Variants in GCSAML observed in about 807,000 individuals in gnomAD.
The protein encoded by GCSAML is germinal center associated signaling and motility like, also known as germinal center-associated signaling and motility-like protein.
In GCSAML, 9 loss-of-function variants were observed where a neutral mutation model predicts 13.0. The ratio of observed to expected loss-of-function variants is 0.69; its 90% CI spans 0.42 to 1.21. GCSAML has a LOEUF of 1.21. GCSAML is among the 50% of genes most tolerant of loss of function. The probability of loss-of-function intolerance (pLI) is 0.00; values close to 1 mark genes in which losing one functional copy is unlikely to be tolerated. For synonymous variants in GCSAML, 37 were observed against 52.9 expected (o/e 0.70, Z 1.31); for missense variants, 143 against 153.4 (o/e 0.93, Z 0.36).
intron 3 of GCSAML, 56 bp from the exon 4 acceptor site, chr1:247,565,875 C>A: frequency 7.2e-7 from 1 of 1,395,434 alleles, no homozygotes; most frequent in Non-Finnish European, 9.8e-7. Flanking sequence ...TGTGATGGGG[C>A]AAAAGTCTCA....
intron 1 of GCSAML, among the ~76,000 whole-genome samples, chr1:247,508,745 C>T (rs1665914654): frequency 1.3e-5 from 2 of 152,148 alleles, no homozygotes; most frequent in African/African-American, 4.8e-5. Flanking sequence ...CCAGTTTTCC[C>T]AGCACCATTT....
Position 247,556,466 on chromosome 1 carries a change from G to T in GCSAML, c.89G>T (p.Arg30Leu). 1.2e-6 allele frequency: 2 copies of T among 1,605,446 alleles called. No individual in the cohort carries two copies. Among genetic ancestry groups the T allele is most frequent in the South Asian group, 2.2e-5 (2 of 90,564 alleles). The change falls in exon 2 of 5, where the codon CGG (arginine) becomes CTG (leucine). Residue 30 changes from arginine to leucine, a missense_variant and splice_region_variant. Arg to Leu is a moderately radical substitution (Grantham distance 102, BLOSUM62 -2). Coordinates refer to ENST00000366488, the MANE Select transcript of GCSAML (RefSeq NM_145278.5). ...GGAAACCCAGATGAGGAAAGAAAAC[G>T]GTAAGAACAGAGCATCTCAGAGTTT... Reference protein sequence around the residue: ...KKGNPDEERKRQEMTTFERKL... With the variant: ...KKGNPDEERKLQEMTTFERKL...
intron 1 of GCSAML, among the ~76,000 whole-genome samples, chr1:247,508,836 T>C (rs1665917447): frequency 6.6e-6 from 1 of 151,952 alleles, no homozygotes; most frequent in South Asian, 2.1e-4. Flanking sequence ...ATGGTCTTAT[T>C]TCTGATTCTG....
chr1:247,570,169 A>G lies in GCSAML; in HGVS notation c.169-3974A>G, dbSNP rs1312677675. ...TTCAAAAAAACCAGCTCCTGGATTT[A>G]TTGATTTTTTGAAGGGTTTTTCATG... On this transcript the variant is annotated intron_variant, in intron 4 of 4. Transcript: ENST00000366488. 3.3e-5 allele frequency among the ~76,000 whole-genome samples: 5 copies of G among 152,060 alleles called. No individual in the cohort carries two copies. The South Asian group carries it at 1.0e-3, about 32-fold the overall frequency.
chr1:247,554,599 T>G (rs1187149801), intron 1 of GCSAML, among the ~76,000 whole-genome samples: 1 of 152,186 alleles, frequency 6.6e-6, no homozygotes, highest in Non-Finnish European at 1.5e-5. Flanking sequence ...CTTCAAATAG[T>G]CTTGTGTAGC....
intron 2 of GCSAML, among the ~76,000 whole-genome samples, chr1:247,537,045 T>G (rs1667243499): frequency 1.3e-5 from 2 of 152,228 alleles, no homozygotes; most frequent in Admixed American, 1.3e-4. Context: ...TTCACAAGAC[T>G]GTACCATCAC....
Position 247,574,307 on chromosome 1 carries a change from C to G in GCSAML, c.333C>G (p.Ala111=), listed in dbSNP as rs769997653. 6.2e-7 allele frequency: 1 copy of G among 1,613,830 alleles called. No homozygotes were observed. Among genetic ancestry groups the G allele is most frequent in the Non-Finnish European group, 8.5e-7 (1 of 1,179,814 alleles). The part of the protein sequence containing the change: ...QFRERSETEY[A]LLRTSVSRPC... ...GAGAAAGGTCAGAGACAGAATATGC[C>G]CTTCTTAGGACTTCTGTTAGTAGGC... The change falls in exon 5 of 5, where the codon GCC becomes GCG. Residue 111 remains alanine (A), a synonymous_variant. Transcript: ENST00000366488.
At chr1:247,524,581 A>G (rs1457212678) in intron 1 of GCSAML, 1 of 152,228 alleles carries the variant, frequency 6.6e-6, no homozygotes, top group African/African-American at 2.4e-5. Flanking sequence ...TTATTCCTGC[A>G]TCTTCAGCCT....
chr1:247,569,946 T>C (rs1382420214), intron 4 of GCSAML, among the ~76,000 whole-genome samples: 2 of 152,208 alleles, frequency 1.3e-5, no homozygotes, highest in African/African-American at 4.8e-5. Context: ...AAGGTGTGTG[T>C]GTCCAGGAAT....
At chr1:247,539,646 C>A (rs942745754) in intron 2 of GCSAML, among the ~76,000 whole-genome samples, 64 of 152,162 alleles carry the variant, frequency 4.2e-4, no homozygotes, top group African/African-American at 1.5e-3. Context: ...TGGGCCTAAT[C>A]AGGGGAGCCC....
At chr1:247,574,103 A>G in intron 4 of GCSAML, 40 bp from the exon 5 acceptor site, 1 of 1,608,860 alleles carries the variant, frequency 6.2e-7, no homozygotes, top group Non-Finnish European at 8.5e-7. Flanking sequence ...TTTATGAATG[A>G]CCGTGGATCC....
At chr1:247,573,745 T>A (rs1668722159) in intron 4 of GCSAML, among the ~76,000 whole-genome samples, 1 of 152,234 alleles carries the variant, frequency 6.6e-6, no homozygotes, top group African/African-American at 2.4e-5. Flanking sequence ...GGGAGCTTGA[T>A]GGAAATAGCA....
At chr1:247,520,378 A>G (rs1326217264) in intron 1 of GCSAML, among the ~76,000 whole-genome samples, 1 of 152,228 alleles carries the variant, frequency 6.6e-6, no homozygotes, top group African/African-American at 2.4e-5. Flanking sequence ...CTCAGGTCCT[A>G]CAAGGAAGGA....
At chr1:247,565,669 T>C (rs1668320462) in intron 3 of GCSAML, 2 of 391,886 alleles carry the variant, frequency 5.1e-6, no homozygotes, top group Non-Finnish European at 9.0e-6. Context: ...TCTTATTCAG[T>C]ACATTAATGT....
Position 247,574,198 on chromosome 1 carries a change from T to C in GCSAML, c.224T>C (p.Ile75Thr). The C allele has an allele frequency of 1.2e-6, 2 of 1,613,926 alleles. No homozygotes were observed. Among genetic ancestry groups the C allele is most frequent in the Non-Finnish European group, 1.7e-6 (2 of 1,179,856 alleles). ...GTGTGCTACACTGTCATTAATCACA[T>C]CCCCCATCAGAGATCCTCCCTGAGC... is the stretch of plus-strand genomic sequence containing the variant. ...EEVCYTVINH[I>T]PHQRSSLSSN... Residue 75 changes from isoleucine to threonine, a missense_variant, in exon 5 of 5, where the codon ATC becomes ACC. Transcript: ENST00000366488.
intron 1 of GCSAML, among the ~76,000 whole-genome samples, chr1:247,519,840 C>A (rs541594279): frequency 6.6e-6 from 1 of 152,014 alleles, no homozygotes; most frequent in African/African-American, 2.4e-5. Flanking sequence ...AACATAGGGT[C>A]GTGTATGGGA....
chr1:247,574,433 G>A lies in GCSAML; in HGVS notation c.*51G>A. The A allele has an allele frequency of 1.3e-6, 2 of 1,593,486 alleles. No homozygotes were observed. Among genetic ancestry groups the A allele is most frequent in the Non-Finnish European group, 1.7e-6 (2 of 1,168,910 alleles). ...CCAGCAATGAAGACAATGCAGAATAGCAGACTCTGGCGAAGTTGTTCACCC... is the reference window on the plus strand; with the variant it reads ...CCAGCAATGAAGACAATGCAGAATAACAGACTCTGGCGAAGTTGTTCACCC... On this transcript the variant is annotated 3_prime_UTR_variant, in exon 5 of 5. Coordinates refer to ENST00000366488, the MANE Select transcript of GCSAML (RefSeq NM_145278.5).
At chr1:247,572,860 T>C (rs1668672716) in intron 4 of GCSAML, among the ~76,000 whole-genome samples, 1 of 152,216 alleles carries the variant, frequency 6.6e-6, no homozygotes, top group Non-Finnish European at 1.5e-5. Context: ...CTTTCAGAGA[T>C]GCCCTGCACA....
chr1:247,541,358 A>G (rs1667405114), intron 2 of GCSAML, among the ~76,000 whole-genome samples: 1 of 152,172 alleles, frequency 6.6e-6, no homozygotes, highest in African/African-American at 2.4e-5. Context: ...CTCCCATGTC[A>G]TATGGATCAC....
Sources: allele counts gnomAD v4.1 joint callset (sites outside exome capture counted in the v4.1 genomes callset), GRCh38; gene constraint gnomAD v4.1.1; transcripts MANE v1.5; gene names NCBI Gene and HGNC (gene_info 2026-07-23, HGNC 2026-07-21).